CPAMD8: variants seen among roughly 807,000 people sequenced by gnomAD.
The protein encoded by CPAMD8 is C3 and PZP like alpha-2-macroglobulin domain containing 8, also known as C3 and PZP-like alpha-2-macroglobulin domain-containing protein 8.
In CPAMD8, 146 loss-of-function variants were observed where a neutral mutation model predicts 224.7. That is an observed-to-expected ratio of 0.65 (90% CI 0.57 to 0.75). The LOEUF (loss-of-function observed/expected upper bound fraction) is 0.75, where lower values mean the gene tolerates loss of function less well. CPAMD8 is among the 30% of genes least tolerant of loss of function. The pLI, the probability that CPAMD8 is intolerant of heterozygous loss-of-function variation, is 0.00. For missense variants in CPAMD8, 2,301 were observed against 2,537.5 expected (o/e 0.91, Z 2.00); for synonymous variants, 966 against 1,044.6 (o/e 0.92, Z 1.45).
At position 16,929,033 on chromosome 19, in the gene CPAMD8, C is replaced by T; in HGVS notation, c.3053G>A (p.Gly1018Glu). The change falls in exon 24 of 42, where the codon GGA (glycine) becomes GAA (glutamate). Residue 1018 changes from glycine to glutamate, a missense_variant. Physicochemically the swap from Gly to Glu is moderately conservative, Grantham distance 98. Coordinates refer to ENST00000443236, the MANE Select transcript of CPAMD8 (RefSeq NM_015692.5). ...CGTGTGTGCACTGGCCACGGGCTCTCCCATCTTGCTGGTGGAGATCCATGA... is the reference window on the plus strand; with the variant it reads ...CGTGTGTGCACTGGCCACGGGCTCTTCCATCTTGCTGGTGGAGATCCATGA... The part of the protein sequence containing the change: ...TRSWISTSKM[G>E]EPVASAHTAK... The T allele has an allele frequency of 6.2e-7, 1 of 1,613,988 alleles. No individual in the cohort carries two copies. Among genetic ancestry groups the T allele is most frequent in the Non-Finnish European group, 8.5e-7 (1 of 1,179,878 alleles).
intron 20 of CPAMD8, among the ~76,000 whole-genome samples, chr19:16,949,993 G>A (rs1225606714): frequency 6.6e-6 from 1 of 152,092 alleles, no homozygotes; most frequent in East Asian, 1.9e-4. Flanking sequence ...GCCCACACAG[G>A]AGCTTGATAA....
chr19:17,021,424 G>A (rs1299401616), intron 2 of CPAMD8, among the ~76,000 whole-genome samples: 1 of 152,128 alleles, frequency 6.6e-6, no homozygotes, highest in Non-Finnish European at 1.5e-5. Context: ...TGCTTCACTG[G>A]CCTTGGAGCC....
At chr19:16,991,106 CAA>C (rs142252610) in intron 12 of CPAMD8, among the ~76,000 whole-genome samples, 56,908 of 151,568 alleles carry the variant, frequency 0.38, 11,179 homozygotes, top group East Asian at 0.49. Flanking sequence ...GAGGCCCCCA[CAA>C]AAAACTTTGG....
chr19:16,965,808 G>A (rs1204901475), intron 18 of CPAMD8, among the ~76,000 whole-genome samples: 3 of 152,108 alleles, frequency 2.0e-5, no homozygotes, highest in Non-Finnish European at 4.4e-5. Context: ...CCTCTTCAAG[G>A]AGAACTACAA....
chr19:17,019,595 G>A (rs768037962), intron 3 of CPAMD8, among the ~76,000 whole-genome samples: 2 of 151,886 alleles, frequency 1.3e-5, no homozygotes, highest in African/African-American at 4.8e-5. Context: ...TCACTCTGTT[G>A]CCCAGGCTGG....
At chr19:16,927,027 C>G (rs1017028228) in intron 25 of CPAMD8, among the ~76,000 whole-genome samples, 1 of 152,158 alleles carries the variant, frequency 6.6e-6, no homozygotes, top group African/African-American at 2.4e-5. Context: ...CCTCTCCTCC[C>G]TGACTCAGGC....
chr19:16,973,848 T>G (rs2055155407), intron 17 of CPAMD8, among the ~76,000 whole-genome samples: 1 of 112,106 alleles, frequency 8.9e-6, no homozygotes, highest in Non-Finnish European at 1.8e-5. Context: ...TTTTTTTTTT[T>G]GAGACGGAGT....
intron 11 of CPAMD8, among the ~76,000 whole-genome samples, chr19:16,994,751 CT>C (rs2056072992): frequency 1.3e-5 from 2 of 152,104 alleles, no homozygotes; most frequent in Admixed American, 6.6e-5. Context: ...AACTCCCAGT[CT>C]CAAGCAATCC....
chr19:17,009,467 T>C, intron 5 of CPAMD8, 147 bp from the exon 6 acceptor site: 1 of 1,362,916 alleles, frequency 7.3e-7, no homozygotes, highest in Non-Finnish European at 1.0e-6. Context: ...CGTTGAATCC[T>C]AACCCCAAGT....
chr19:17,025,137 A>G (rs2057045286), intron 1 of CPAMD8, among the ~76,000 whole-genome samples: 2 of 152,184 alleles, frequency 1.3e-5, no homozygotes, highest in South Asian at 4.1e-4. Flanking sequence ...CGGGCCAGGC[A>G]CGGTGACTCA....
chr19:16,904,224 G>T lies in CPAMD8; in HGVS notation c.4251+2C>A. On this transcript the variant is annotated splice_donor_variant, in intron 32 of 41. Coordinates refer to ENST00000443236, the MANE Select transcript of CPAMD8 (RefSeq NM_015692.5). LOFTEE classifies it high-confidence loss of function. ...CCCTCCCTCTGGCCCTGCCCGGCTC[G>T]CCTGAGTGGAGGAGAAGCCCCCAAG... The T allele has an allele frequency of 1.5e-6, 2 of 1,336,660 alleles. No homozygotes were observed. Among genetic ancestry groups the T allele is most frequent in the East Asian group, 4.8e-5 (1 of 20,802 alleles). 82.8% of individuals were successfully genotyped at this position (1,336,660 alleles called of 1,614,324 possible). A position where few individuals can be genotyped will look rare whatever the true frequency, so the allele number is the denominator to read the frequency against.
chr19:16,902,787 T>C lies in CPAMD8; in HGVS notation c.4547A>G (p.Glu1516Gly). 1.9e-6 allele frequency: 3 copies of C among 1,588,518 alleles called. No homozygotes were observed. The Admixed American group carries it at 5.2e-5, about 27-fold the overall frequency. Residue 1516 changes from glutamate to glycine, a missense_variant, in exon 35 of 42, where the codon GAG (glutamate) becomes GGG (glycine). Around this residue, in one of 4 missense-constraint regions of CPAMD8, gnomAD observed 1,709 missense variants for 1,753.2 expected, o/e 0.97. Coordinates refer to ENST00000443236, the MANE Select transcript of CPAMD8 (RefSeq NM_015692.5). The stretch of plus-strand genomic sequence containing the variant: ...CATGGGGGGCGGGCGTCCCTGGGCC[T>C]CAGGCTCCTGGAGGCTTACGAGCAG... ...FQLLVSLQEPEAQGRPPPMPA... is the reference protein window; with the variant it reads ...FQLLVSLQEPGAQGRPPPMPA...
chr19:16,929,271 G>A (rs200916712), intron 23 of CPAMD8, 31 bp from the exon 24 acceptor site: 199 of 1,555,774 alleles, frequency 1.3e-4, no homozygotes, highest in Non-Finnish European at 3.8e-5. Context: ...GGGGAGTTGA[G>A]AGGGCACCTG....
In CPAMD8 at chr19:16,898,911, AT is replaced by A. The variant is rs112859838; in HGVS notation, c.4848+563del. On this transcript the variant is annotated intron_variant, in intron 37 of 41. Coordinates refer to ENST00000443236, the MANE Select transcript of CPAMD8 (RefSeq NM_015692.5). The surrounding 1 kb of genome is among the most constrained non-coding windows in gnomAD (Gnocchi z 4.2). ...CTGGAATTTATTCTCCCAGTGTCTT[AT>A]TTTTTTTTGTTTTTTTTTAGACAAG... 6.7e-5 allele frequency among the ~76,000 whole-genome samples: 10 copies of A among 149,532 alleles called. No homozygotes were observed. The highest frequency in any genetic ancestry group is 2.0e-4 in the East Asian group (1 of 5,080).
rs1184023414 is a variant in CPAMD8, at chr19:16,896,628, A to T, written c.5103T>A (p.Pro1701=). The T allele has an allele frequency of 4.7e-6, 7 of 1,493,926 alleles. No homozygotes were observed. The highest frequency in any genetic ancestry group is 1.4e-5 in the African/African-American group (1 of 69,828). 92.5% of individuals were successfully genotyped at this position (1,493,926 alleles called of 1,614,324 possible). A position where few individuals can be genotyped will look rare whatever the true frequency, so the allele number is the denominator to read the frequency against. The change falls in exon 40 of 42, where the codon CCT becomes CCA. Residue 1701 remains proline, a synonymous_variant. Transcript: ENST00000443236. ...ATCGCGCGATCGCCGCCCCCTCCTCAGGGGCCACGGCAGGGCCCGACTCGC... is the reference window on the plus strand; with the variant it reads ...ATCGCGCGATCGCCGCCCCCTCCTCTGGGGCCACGGCAGGGCCCGACTCGC... The part of the protein sequence containing the change: ...FPGESGPAVA[P]EEGAAIARCG...
rs547526736 is a variant in CPAMD8 at position 16,927,799 on chromosome 19, G to A, written c.3370+210C>T. Among the ~76,000 whole-genome samples, 3 of 152,326 alleles carry A rather than the reference G, an allele frequency of 2.0e-5. No individual in the cohort carries two copies. In the East Asian group the frequency reaches 5.8e-4, roughly 29 times the overall value. ...TGGACTAGGAGTCCCTCAAGGGTGGGGTTGGGATCAGCTCTTGGGCTTCCT... is the reference window on the plus strand; with the variant it reads ...TGGACTAGGAGTCCCTCAAGGGTGGAGTTGGGATCAGCTCTTGGGCTTCCT... On this transcript the variant is annotated intron_variant, in intron 25 of 41. Coordinates refer to ENST00000443236, the MANE Select transcript of CPAMD8 (RefSeq NM_015692.5).
intron 20 of CPAMD8, among the ~76,000 whole-genome samples, chr19:16,951,717 C>T (rs1288839597): frequency 2.6e-5 from 4 of 152,150 alleles, no homozygotes; most frequent in Non-Finnish European, 5.9e-5. Flanking sequence ...CCTCCTCACC[C>T]GGCTTTGACG....
Position 16,983,140 on chromosome 19 carries a change from C to T in CPAMD8, c.1396-2454G>A, listed in dbSNP as rs1438768184. ...TTTTCTGGCTGGGCATGGTGGCTCACGTCTGTAATCCCAGTACTTTGGGAG... is the reference window on the plus strand; with the variant it reads ...TTTTCTGGCTGGGCATGGTGGCTCATGTCTGTAATCCCAGTACTTTGGGAG... On this transcript the variant is annotated intron_variant, in intron 13 of 41. Coordinates refer to ENST00000443236, the MANE Select transcript of CPAMD8 (RefSeq NM_015692.5). Among the ~76,000 whole-genome samples the T allele has an allele frequency of 1.3e-5, 2 of 152,082 alleles. 1 individual carries two copies. Among genetic ancestry groups the T allele is most frequent in the South Asian group, 4.1e-4 (2 of 4,822 alleles).
intron 2 of CPAMD8, among the ~76,000 whole-genome samples, chr19:17,021,287 G>A (rs1432589379): frequency 6.6e-6 from 1 of 152,124 alleles, no homozygotes; most frequent in African/African-American, 2.4e-5. Context: ...ACTGGGTTGG[G>A]TTTCAGTTGG....
Sources: gnomAD v4.1 joint callset for allele counts (sites outside exome capture counted in the v4.1 genomes callset) on GRCh38, gnomAD v4.1.1 for gene constraint, gnomAD v4.1.1 regional missense constraint, Gnocchi (gnomAD v3.1) non-coding constraint, MANE v1.5 for transcripts, NCBI Gene and HGNC (gene_info 2026-07-23, HGNC 2026-07-21) for gene names.